The following VSIR variants were observed in gnomAD, a reference collection of about 807,000 sequenced individuals.
VSIR encodes the protein V-type immunoglobulin domain-containing suppressor of T-cell activation.
A neutral mutation model predicts 31.0 loss-of-function variants in VSIR; 10 were observed. That is an observed-to-expected ratio of 0.32 (90% confidence interval 0.20 to 0.55). VSIR has a LOEUF of 0.55. Ranked by LOEUF, VSIR falls within the 20% of genes least tolerant of loss-of-function variation. The pLI, the probability that VSIR is intolerant of heterozygous loss-of-function variation, is 0.93. For missense variants in VSIR, 356 were observed against 416.2 expected (o/e 0.86, Z 1.26); for synonymous variants, 179 against 180.1 (o/e 0.99, Z 0.05).
chr10:71,768,227 G>A (rs1291961940), intron 1 of VSIR, among the ~76,000 whole-genome samples: 2 of 152,174 alleles, frequency 1.3e-5, no homozygotes, highest in African/African-American at 4.8e-5. Flanking sequence ...CTGGAGTTCA[G>A]TGGTGCAATC....
intron 1 of VSIR, among the ~76,000 whole-genome samples, chr10:71,767,574 G>A (rs920943205): frequency 6.6e-6 from 1 of 152,198 alleles, no homozygotes; most frequent in South Asian, 2.1e-4. Context: ...GCTGGGGCTG[G>A]GGCTGTAGGA....
At chr10:71,765,749 C>T (rs1840524765) in intron 1 of VSIR, among the ~76,000 whole-genome samples, 1 of 152,122 alleles carries the variant, frequency 6.6e-6, no homozygotes, top group Non-Finnish European at 1.5e-5. Context: ...GCCACCCATC[C>T]CACAGGTCCC....
chr10:71,770,827 A>G (rs1442497984), intron 1 of VSIR, among the ~76,000 whole-genome samples: 2 of 152,130 alleles, frequency 1.3e-5, no homozygotes. Context: ...ATGAACAACT[A>G]GTACAGCTCA....
Position 71,749,350 on chromosome 10 carries a change from AGGCTGGAGTGTAGTG to A in VSIR, c.*1888_*1902del, listed in dbSNP as rs1839934088. The A allele has an allele frequency of 6.6e-6, 1 of 152,258 alleles. No individual in the cohort carries two copies. Among genetic ancestry groups the A allele is most frequent in the Non-Finnish European group, 1.5e-5 (1 of 68,062 alleles). The allele number at this position is 152,258 out of a possible 1,614,324, so 9.4% of individuals were successfully genotyped here. On this transcript the variant is annotated 3_prime_UTR_variant, in exon 7 of 7. Coordinates refer to ENST00000394957, the MANE Select transcript of VSIR (RefSeq NM_022153.2). Reference sequence around the variant, plus strand: ...TGAGGCAAAGTTTTGCTCCGTCCCCAGGCTGGAGTGTAGTGGCTCGAACACAGCTCACAGCAGCCT... The same window carrying A: ...TGAGGCAAAGTTTTGCTCCGTCCCCAGCTCGAACACAGCTCACAGCAGCCT...
chr10:71,749,857 A>T lies in VSIR; in HGVS notation c.*1396T>A, dbSNP rs1196434617. The T allele has an allele frequency of 6.8e-6, 1 of 146,290 alleles. No homozygotes were observed. The highest frequency in any genetic ancestry group is 1.5e-5 in the Non-Finnish European group (1 of 67,188). The allele number at this position is 146,290 out of a possible 1,614,324, so 9.1% of individuals were successfully genotyped here. A position where few individuals can be genotyped will look rare whatever the true frequency, so the allele number is the denominator to read the frequency against. On this transcript the variant is annotated 3_prime_UTR_variant, in exon 7 of 7. Coordinates refer to ENST00000394957, the MANE Select transcript of VSIR (RefSeq NM_022153.2). ...GGCGAACATCTTCCCGCCTAGCCCCAAATCCTGGCTTTCAGCACCCAGGCC... is the reference window on the plus strand; with the variant it reads ...GGCGAACATCTTCCCGCCTAGCCCCTAATCCTGGCTTTCAGCACCCAGGCC...
At chr10:71,753,730 C>T in intron 4 of VSIR, 1 of 456,212 alleles carries the variant, frequency 2.2e-6, no homozygotes, top group Non-Finnish European at 4.4e-6. Context: ...ACAGATGCTT[C>T]TCGTTTTAAG....
At chr10:71,759,188 C>T (rs1840229402) in intron 3 of VSIR, among the ~76,000 whole-genome samples, 1 of 152,104 alleles carries the variant, frequency 6.6e-6, no homozygotes, top group East Asian at 1.9e-4. Context: ...CAGGCGTGCA[C>T]CACCATGCCT....
At chr10:71,767,511 T>C (rs1840579117) in intron 1 of VSIR, among the ~76,000 whole-genome samples, 1 of 152,176 alleles carries the variant, frequency 6.6e-6, no homozygotes, top group South Asian at 2.1e-4. Flanking sequence ...CCAAAGAGAA[T>C]GGGACCTGGT....
At chr10:71,761,482 T>C in intron 2 of VSIR, 116 bp downstream of exon 2, 7 of 1,217,132 alleles carry the variant, frequency 5.8e-6, no homozygotes, top group Non-Finnish European at 7.8e-6. Context: ...CTCCCTGGAG[T>C]GCCAGTGTTA....
At chr10:71,762,707 T>C (rs970342529) in intron 1 of VSIR, among the ~76,000 whole-genome samples, 5 of 152,168 alleles carry the variant, frequency 3.3e-5, no homozygotes, top group African/African-American at 1.2e-4. Flanking sequence ...ACTTGGTGCA[T>C]AGATAGGATT....
Position 71,761,862 on chromosome 10 carries a change from A to G in VSIR, c.247T>C (p.Cys83Arg). Reference sequence around the variant, plus strand: ...TTGCGGATGGGCCGGCGCTCTGAGCAGGTCTGCACCTCGCCCCTCGAGCTG... The same window carrying G: ...TTGCGGATGGGCCGGCGCTCTGAGCGGGTCTGCACCTCGCCCCTCGAGCTG... Reference protein sequence around the residue: ...YRSSRGEVQTCSERRPIRNLT... With the variant: ...YRSSRGEVQTRSERRPIRNLT... The change falls in exon 2 of 7, where the codon TGC becomes CGC. Residue 83 changes from cysteine to arginine, a missense_variant. Physicochemically the swap from Cys to Arg is radical, Grantham distance 180. Around this residue, in one of 2 missense-constraint regions of VSIR, gnomAD observed 166 missense variants for 231.0 expected, o/e 0.72. Coordinates refer to ENST00000394957, the MANE Select transcript of VSIR (RefSeq NM_022153.2). 6.2e-7 allele frequency: 1 copy of G among 1,614,132 alleles called. No homozygotes were observed. Among genetic ancestry groups the G allele is most frequent in the Non-Finnish European group, 8.5e-7 (1 of 1,180,012 alleles).
intron 1 of VSIR, among the ~76,000 whole-genome samples, chr10:71,767,478 C>T (rs1034333906): frequency 6.6e-6 from 1 of 152,196 alleles, no homozygotes; most frequent in Non-Finnish European, 1.5e-5. Flanking sequence ...CAAAAGGTCC[C>T]GTCCTTGGTC....
At chr10:71,753,401 C>T (rs1483138511) in intron 4 of VSIR, among the ~76,000 whole-genome samples, 1 of 152,232 alleles carries the variant, frequency 6.6e-6, no homozygotes, top group Non-Finnish European at 1.5e-5. Flanking sequence ...CTTGTTTGAA[C>T]ATTTGCCAGG....
rs144472269 is a variant in VSIR, at chr10:71,751,282, G to A, written c.907C>T (p.Pro303Ser). The change falls in exon 7 of 7, where the codon CCT becomes TCT. Residue 303 changes from proline (P) to serine (S), a missense_variant. Coordinates refer to ENST00000394957, the MANE Select transcript of VSIR (RefSeq NM_022153.2). This position sits in a 1 kb window ranked among gnomAD's most constrained non-coding sequence, Gnocchi z 4.9. ...DVFFPSLDPV[P>S]DSPNFEVI Reference sequence around the variant, plus strand: ...ATGACCTCAAAGTTTGGAGAGTCAGGGACAGGGTCTGCAAGAAAAGGAGAA... The same window carrying A: ...ATGACCTCAAAGTTTGGAGAGTCAGAGACAGGGTCTGCAAGAAAAGGAGAA... 6.2e-7 allele frequency: 1 copy of A among 1,610,224 alleles called. No homozygotes were observed. The highest frequency in any genetic ancestry group is 8.5e-7 in the Non-Finnish European group (1 of 1,177,978).
intron 4 of VSIR, among the ~76,000 whole-genome samples, chr10:71,754,709 GAC>G (rs1840089047): frequency 2.0e-5 from 3 of 152,312 alleles, no homozygotes; most frequent in African/African-American, 7.2e-5. Context: ...GTAAAATGGG[GAC>G]AATGGTAGGA....
rs370261405 is a variant in VSIR at position 71,773,374 on chromosome 10, G to T, written c.66C>A (p.Phe22Leu). The T allele has an allele frequency of 2.3e-5, 37 of 1,609,590 alleles. No individual in the cohort carries two copies. The East Asian group carries it at 6.5e-4, about 28-fold the overall frequency. Residue 22 changes from phenylalanine to leucine, a missense_variant, in exon 1 of 7, where the codon TTC becomes TTA. By Grantham distance (22) the Phe-to-Leu change is conservative (BLOSUM62 0). This residue lies in a region of VSIR where 166 missense variants were observed against 231.0 expected (regional missense o/e 0.72). Transcript: ENST00000394957. ...WRWGSLLFAL[F>L]LAASLGPVAA... ...CGACCTTACCTAGGGACGCAGCCAG[G>T]AAGAGAGCGAAGAGCAGGGATCCCC...
rs781402465 is a variant in VSIR, at chr10:71,749,915, G to A, written c.*1338C>T. ...GCAGAGCCAGTGTAGGCTGCTAGGA[G>A]ACAAATGCCCAGGCTGGACTATGCT... is the stretch of plus-strand genomic sequence containing the variant. On this transcript the variant is annotated 3_prime_UTR_variant, in exon 7 of 7. Transcript: ENST00000394957. The A allele has an allele frequency of 2.0e-5, 3 of 152,210 alleles. No homozygotes were observed. Among genetic ancestry groups the A allele is most frequent in the Non-Finnish European group, 4.4e-5 (3 of 68,112 alleles). 9.4% of individuals were successfully genotyped at this position (152,210 alleles called of 1,614,324 possible). A position where few individuals can be genotyped will look rare whatever the true frequency, so the allele number is the denominator to read the frequency against.
At chr10:71,759,954 T>TACAC (rs1395825602) in intron 3 of VSIR, among the ~76,000 whole-genome samples, 5 of 62,466 alleles carry the variant, frequency 8.0e-5, no homozygotes, top group Non-Finnish European at 1.2e-4. Context: ...CACATATATA[T>TACAC]ACACACACAT....
chr10:71,759,888 T>TATATAC (rs1211461244), intron 3 of VSIR, among the ~76,000 whole-genome samples: 376 of 29,844 alleles, frequency 0.013, 29 homozygotes, highest in East Asian at 0.034. Flanking sequence ...CACACACATA[T>TATATAC]ACACACACAC....
Sources: gnomAD v4.1 joint callset for allele counts (sites outside exome capture counted in the v4.1 genomes callset) on GRCh38, gnomAD v4.1.1 for gene constraint, gnomAD v4.1.1 regional missense constraint, Gnocchi (gnomAD v3.1) non-coding constraint, MANE v1.5 for transcripts, NCBI Gene and HGNC (gene_info 2026-07-23, HGNC 2026-07-21) for gene names.